Variants in TMEM108 observed in about 807,000 individuals in gnomAD.
TMEM108 encodes transmembrane protein 108.
Under a neutral mutation model 35.1 loss-of-function variants are expected in TMEM108, and 12 were observed. The observed-to-expected ratio is 0.34, with a 90% confidence interval of 0.22 to 0.55. The LOEUF is 0.55. Ranked by LOEUF, TMEM108 falls within the 20% of genes least tolerant of loss-of-function variation. TMEM108 has a pLI of 0.89. For synonymous variants in TMEM108, 287 were observed against 308.6 expected (o/e 0.93, Z 0.73); for missense variants, 680 against 753.3 (o/e 0.90, Z 1.14).
chr3:133,309,141 A>G (rs1310425480), intron 3 of TMEM108, among the ~76,000 whole-genome samples: 14 of 152,122 alleles, frequency 9.2e-5, no homozygotes, highest in Non-Finnish European at 2.9e-5. Flanking sequence ...TTTCTAGTTT[A>G]TTTGTGTAGA....
At chr3:133,385,520 C>T (rs571197738) in intron 4 of TMEM108, among the ~76,000 whole-genome samples, 1 of 152,358 alleles carries the variant, frequency 6.6e-6, no homozygotes, top group African/African-American at 2.4e-5. Context: ...CTGTGACCTC[C>T]TCCCTCAGCC....
At chr3:133,194,762 T>C (rs552047574) in intron 2 of TMEM108, among the ~76,000 whole-genome samples, 1 of 152,268 alleles carries the variant, frequency 6.6e-6, no homozygotes, top group South Asian at 2.1e-4. Context: ...TTAAATGCAA[T>C]CTCATGAAAT....
At chr3:133,229,460 G>A (rs1428884632) in intron 3 of TMEM108, 109 bp downstream of exon 3, 2 of 932,894 alleles carry the variant, frequency 2.1e-6, no homozygotes, top group Non-Finnish European at 1.6e-6. Context: ...CGGTGAAAGA[G>A]GACAGTAAAG....
intron 3 of TMEM108, among the ~76,000 whole-genome samples, chr3:133,288,854 G>A (rs989203395): frequency 3.9e-5 from 6 of 152,006 alleles, no homozygotes; most frequent in African/African-American, 9.7e-5. Flanking sequence ...TCCTGTCTCA[G>A]CCTCCCAACT....
At chr3:133,253,881 T>C (rs993996652) in intron 3 of TMEM108, among the ~76,000 whole-genome samples, 1 of 152,202 alleles carries the variant, frequency 6.6e-6, no homozygotes, top group Non-Finnish European at 1.5e-5. Context: ...AGGAAAAAGA[T>C]AACATGCCTG....
rs563016985 is a variant in TMEM108 at position 133,236,082 on chromosome 3, A to G, written c.40+6731A>G. On this transcript the variant is annotated intron_variant, in intron 3 of 5. Coordinates refer to ENST00000321871, the MANE Select transcript of TMEM108 (RefSeq NM_023943.4). ...GAGAATATGATGTTTTTACATATCAATATCTATTCAAATCAGAATAGTTTA... is the reference window on the plus strand; with the variant it reads ...GAGAATATGATGTTTTTACATATCAGTATCTATTCAAATCAGAATAGTTTA... Among the ~76,000 whole-genome samples, 4 of 152,260 alleles carry G rather than the reference A, an allele frequency of 2.6e-5. No individual in the cohort carries two copies. In the South Asian group the frequency reaches 8.3e-4, roughly 32 times the overall value.
chr3:133,349,222 C>T (rs536850113), intron 3 of TMEM108, among the ~76,000 whole-genome samples: 1 of 152,236 alleles, frequency 6.6e-6, no homozygotes, highest in African/African-American at 2.4e-5. Context: ...GTTTAAGTAA[C>T]TTCTTCAAAG....
At chr3:133,041,525 C>T (rs558762434) in intron 1 of TMEM108, among the ~76,000 whole-genome samples, 24 of 152,180 alleles carry the variant, frequency 1.6e-4, no homozygotes, top group African/African-American at 5.5e-4. Context: ...AGCCCTCAAA[C>T]GAAATCTCAA....
intron 2 of TMEM108, among the ~76,000 whole-genome samples, chr3:133,180,524 C>A (rs939627943): frequency 3.3e-5 from 5 of 151,814 alleles, no homozygotes; most frequent in Non-Finnish European, 5.9e-5. Context: ...TAGTTCAGTT[C>A]CCCAGAAGCA....
At chr3:133,180,289 C>T (rs762697088) in intron 2 of TMEM108, among the ~76,000 whole-genome samples, 6 of 152,150 alleles carry the variant, frequency 3.9e-5, no homozygotes, top group Non-Finnish European at 5.9e-5. Flanking sequence ...ATACTGCCAA[C>T]ATACTTTTCA....
At chr3:133,172,984 G>C (rs1326049772) in intron 2 of TMEM108, among the ~76,000 whole-genome samples, 2 of 152,134 alleles carry the variant, frequency 1.3e-5, no homozygotes, top group African/African-American at 4.8e-5. Flanking sequence ...CTTCCACCAT[G>C]ATTGTGAGGC....
intron 3 of TMEM108, among the ~76,000 whole-genome samples, chr3:133,371,131 G>A (rs770404203): frequency 5.3e-5 from 8 of 152,172 alleles, no homozygotes; most frequent in Non-Finnish European, 1.0e-4. Flanking sequence ...AGCCCTTGAT[G>A]TCTCAATCCA....
chr3:133,342,128 A>G (rs991366796), intron 3 of TMEM108, among the ~76,000 whole-genome samples: 5 of 151,896 alleles, frequency 3.3e-5, no homozygotes, highest in African/African-American at 1.2e-4. Flanking sequence ...TTTGCAGACT[A>G]TCTATCTGAC....
intron 4 of TMEM108, among the ~76,000 whole-genome samples, chr3:133,383,270 C>CAAACACACTGCT (rs1458475615): frequency 6.6e-6 from 1 of 152,182 alleles, no homozygotes; most frequent in Non-Finnish European, 1.5e-5. Context: ...CAGGAACAAG[C>CAAACACACTGCT]AAACACACTG....
At chr3:133,091,611 T>A (rs1488230439) in intron 2 of TMEM108, among the ~76,000 whole-genome samples, 3 of 152,202 alleles carry the variant, frequency 2.0e-5, no homozygotes, top group African/African-American at 7.2e-5. Flanking sequence ...CATTTGTCAT[T>A]AAAGAAGTTA....
chr3:133,199,863 A>C (rs1945635545), intron 2 of TMEM108, among the ~76,000 whole-genome samples: 3 of 152,154 alleles, frequency 2.0e-5, no homozygotes, highest in Admixed American at 2.0e-4. Flanking sequence ...TTGCCCCCAG[A>C]GGTGGAGTCT....
intron 2 of TMEM108, among the ~76,000 whole-genome samples, chr3:133,057,390 C>A: frequency 1.2e-5 from 1 of 85,492 alleles, no homozygotes; most frequent in African/African-American, 3.8e-5. Context: ...CTAGTTTGAT[C>A]TACTTTTTAG....
chr3:133,340,574 A>G (rs546209449), intron 3 of TMEM108, among the ~76,000 whole-genome samples: 1 of 151,870 alleles, frequency 6.6e-6, no homozygotes, highest in Non-Finnish European at 1.5e-5. Flanking sequence ...TAAGACCAGT[A>G]TCACCCTGAT....
intron 3 of TMEM108, 71 bp downstream of exon 3, chr3:133,229,422 A>C: frequency 6.7e-7 from 1 of 1,489,128 alleles, no homozygotes; most frequent in South Asian, 1.2e-5. Flanking sequence ...CCCACAACTT[A>C]CTTTTTGGAC....
Sources: gnomAD v4.1 joint callset for allele counts (sites outside exome capture counted in the v4.1 genomes callset) on GRCh38, gnomAD v4.1.1 for gene constraint, MANE v1.5 for transcripts, NCBI Gene and HGNC (gene_info 2026-07-23, HGNC 2026-07-21) for gene names.